PPARGC1A: variants seen among roughly 807,000 people sequenced by gnomAD.
PPARGC1A encodes the protein peroxisome proliferator-activated receptor gamma coactivator 1-alpha.
PPARGC1A carries 25 observed loss-of-function variants against 88.7 expected under a neutral mutation model. The ratio of observed to expected loss-of-function variants is 0.28; its 90% CI spans 0.21 to 0.39. The LOEUF is 0.39. PPARGC1A is among the 10% of genes least tolerant of loss of function. The pLI, the probability that PPARGC1A is intolerant of heterozygous loss-of-function variation, is 1.00. For synonymous variants in PPARGC1A, 363 were observed against 355.6 expected (o/e 1.02, Z -0.24); for missense variants, 880 against 968.7 (o/e 0.91, Z 1.22).
chr4:24,279,742 G>A, the PPARGC1A span, among the ~76,000 whole-genome samples: 7 of 152,012 alleles, frequency 4.6e-5, no homozygotes, highest in East Asian at 3.9e-4. Flanking sequence ...TGACTGTCAC[G>A]CTCTCGGCTG....
chr4:24,212,502 G>T, the PPARGC1A span, among the ~76,000 whole-genome samples: 1 of 152,108 alleles, frequency 6.6e-6, no homozygotes, highest in Non-Finnish European at 1.5e-5. Flanking sequence ...TTTCCAAAGT[G>T]TCATGAGAAT....
the PPARGC1A span, among the ~76,000 whole-genome samples, chr4:24,103,634 C>T: frequency 2.7e-5 from 4 of 147,284 alleles, no homozygotes; most frequent in African/African-American, 5.1e-5. Context: ...TAAAATGAAC[C>T]GGAATTATAG....
the PPARGC1A span, among the ~76,000 whole-genome samples, chr4:24,046,418 C>T: frequency 2.0e-5 from 3 of 152,274 alleles, no homozygotes; most frequent in Admixed American, 1.3e-4. Context: ...CCCCTTCTTC[C>T]CCACTCCCAC....
the PPARGC1A span, among the ~76,000 whole-genome samples, chr4:24,030,654 C>T: frequency 6.6e-6 from 1 of 152,170 alleles, no homozygotes; most frequent in South Asian, 2.1e-4. Context: ...TTAAAAATGC[C>T]CTCAACTCTC....
chr4:24,376,350 T>TG, the PPARGC1A span, among the ~76,000 whole-genome samples: 4 of 152,170 alleles, frequency 2.6e-5, no homozygotes, highest in African/African-American at 9.7e-5. Flanking sequence ...GAGGAGGGCT[T>TG]GCCAAAGCGG....
the PPARGC1A span, among the ~76,000 whole-genome samples, chr4:24,168,789 A>T: frequency 5.2e-3 from 792 of 152,366 alleles, 7 homozygotes; most frequent in African/African-American, 0.018. Context: ...ATAAATATCC[A>T]TGAGTCCATA....
chr4:24,248,766 G>A, the PPARGC1A span, among the ~76,000 whole-genome samples: 21,967 of 152,150 alleles, frequency 0.14, 2,038 homozygotes, highest in Middle Eastern at 0.29. Context: ...CTTAGCAGGG[G>A]AACGTCTAAT....
At chr4:24,381,999 T>C in the PPARGC1A span, among the ~76,000 whole-genome samples, 3 of 152,222 alleles carry the variant, frequency 2.0e-5, no homozygotes, top group Non-Finnish European at 4.4e-5. Context: ...CCTAGAAATA[T>C]CAAATTCATT....
At chr4:24,049,817 C>T in the PPARGC1A span, among the ~76,000 whole-genome samples, 3 of 152,140 alleles carry the variant, frequency 2.0e-5, no homozygotes, top group Non-Finnish European at 2.9e-5. Flanking sequence ...ACACTGCCTT[C>T]CAACTCTAGT....
the PPARGC1A span, among the ~76,000 whole-genome samples, chr4:24,171,182 C>T: frequency 1.3e-5 from 2 of 152,114 alleles, no homozygotes; most frequent in African/African-American, 4.8e-5. Context: ...GACACTGAGA[C>T]CGGCGGATCG....
chr4:24,044,418 A>C, the PPARGC1A span, among the ~76,000 whole-genome samples: 1 of 152,078 alleles, frequency 6.6e-6, no homozygotes, highest in Admixed American at 6.5e-5. Flanking sequence ...TAGGAAATAC[A>C]GCATCATTAG....
chr4:23,908,051 A>G (rs1234001039), upstream of PPARGC1A, among the ~76,000 whole-genome samples: 3 of 152,198 alleles, frequency 2.0e-5, no homozygotes, highest in Non-Finnish European at 4.4e-5. Flanking sequence ...GAAAACTTTG[A>G]AATGGACAAA....
chr4:24,016,810 T>A, the PPARGC1A span, among the ~76,000 whole-genome samples: 1 of 152,160 alleles, frequency 6.6e-6, no homozygotes, highest in Admixed American at 6.5e-5. Context: ...CACCAATAGA[T>A]CTAAATGGTT....
At chr4:23,887,105 C>T (rs1228323082) in intron 1 of PPARGC1A, among the ~76,000 whole-genome samples, 1 of 152,146 alleles carries the variant, frequency 6.6e-6, no homozygotes, top group Non-Finnish European at 1.5e-5. Flanking sequence ...TTTTAAATAA[C>T]TTTTGAAAAC....
chr4:23,849,637 A>C (rs1392784236), intron 2 of PPARGC1A, among the ~76,000 whole-genome samples: 1 of 152,192 alleles, frequency 6.6e-6, no homozygotes, highest in Non-Finnish European at 1.5e-5. Context: ...AAATAAGACT[A>C]GAGAGAATAG....
chr4:24,471,213 C>A, the PPARGC1A span, among the ~76,000 whole-genome samples: 1 of 152,054 alleles, frequency 6.6e-6, no homozygotes, highest in South Asian at 2.1e-4. This position sits in a 1 kb window ranked among gnomAD's most constrained non-coding sequence, Gnocchi z 5.4. Context: ...CGGGAATCCC[C>A]GGCGCCCTGG....
chr4:23,837,901 CA>C (rs1726320248), intron 2 of PPARGC1A, among the ~76,000 whole-genome samples: 1 of 151,950 alleles, frequency 6.6e-6, no homozygotes. Context: ...CATGGATCAG[CA>C]AAAAATATTT....
intron 7 of PPARGC1A, among the ~76,000 whole-genome samples, chr4:23,818,571 TAAAC>T (rs2109525134): frequency 6.6e-6 from 1 of 152,060 alleles, no homozygotes; most frequent in East Asian, 1.9e-4. Flanking sequence ...TGCTCCATAA[TAAAC>T]AAGCACCTCT....
At chr4:24,291,495 G>A in the PPARGC1A span, among the ~76,000 whole-genome samples, 2 of 152,170 alleles carry the variant, frequency 1.3e-5, no homozygotes, top group Non-Finnish European at 2.9e-5. Flanking sequence ...AAGGCACTGA[G>A]TAGCACACAC....
Sources: allele counts gnomAD v4.1 joint callset (sites outside exome capture counted in the v4.1 genomes callset), GRCh38; gene constraint gnomAD v4.1.1; non-coding constraint Gnocchi (gnomAD v3.1); transcripts MANE v1.5; gene names NCBI Gene and HGNC (gene_info 2026-07-23, HGNC 2026-07-21).